Variants in PPP1R12B observed in about 807,000 individuals in gnomAD.
The protein encoded by PPP1R12B is protein phosphatase 1 regulatory subunit 12B, also known as myosin phosphatase target subunit 2.
Under a neutral mutation model 126.1 loss-of-function variants are expected in PPP1R12B, and 76 were observed. The observed-to-expected ratio is 0.60, with a 90% confidence interval of 0.50 to 0.73. The LOEUF is 0.73. Among genes scored for constraint, PPP1R12B ranks in the 30% least tolerant of loss-of-function variants. The probability of loss-of-function intolerance (pLI) is 0.00; values close to 1 mark genes in which losing one functional copy is unlikely to be tolerated. For synonymous variants in PPP1R12B, 356 were observed against 434.7 expected (o/e 0.82, Z 2.25); for missense variants, 1,052 against 1,205.1 (o/e 0.87, Z 1.88).
chr1:202,471,617 C>T lies in PPP1R12B; in HGVS notation c.1851-16916C>T, dbSNP rs566946545. Among the ~76,000 whole-genome samples, 12 of 129,150 alleles carry T rather than the reference C, an allele frequency of 9.3e-5. 1 individual carries two copies. The highest frequency in any genetic ancestry group is 4.5e-3 in the Middle Eastern group (1 of 224). 84.7% of individuals were successfully genotyped at this position (129,150 alleles called of 152,430 possible). A position where few individuals can be genotyped will look rare whatever the true frequency, so the allele number is the denominator to read the frequency against. On this transcript the variant is annotated intron_variant, in intron 13 of 23. Coordinates refer to ENST00000608999, the MANE Select transcript of PPP1R12B (RefSeq NM_002481.4). ...TTGCTGCTACTGCTTTTTTGGTAAT[C>T]TAAGGAAGATGAAATCATTTCTCAT...
intron 13 of PPP1R12B, among the ~76,000 whole-genome samples, chr1:202,478,879 ACT>A (rs1677009354): frequency 6.6e-6 from 1 of 152,100 alleles, no homozygotes; most frequent in Non-Finnish European, 1.5e-5. Flanking sequence ...ATTCAAAAAA[ACT>A]CTCTAGAGTA....
At chr1:202,572,712 T>G (rs1420719482) in intron 23 of PPP1R12B, among the ~76,000 whole-genome samples, 1 of 152,184 alleles carries the variant, frequency 6.6e-6, no homozygotes, top group Non-Finnish European at 1.5e-5. Flanking sequence ...CTTCTCCCCT[T>G]CCTTTCCTAG....
intron 13 of PPP1R12B, among the ~76,000 whole-genome samples, chr1:202,466,661 G>A (rs997393334): frequency 1.2e-4 from 18 of 151,708 alleles, no homozygotes; most frequent in Non-Finnish European, 4.4e-5. Flanking sequence ...CTTCATGTAG[G>A]CACTCCATAA....
rs377755644 is a variant in PPP1R12B, at chr1:202,449,058, G to A, written c.1737G>A (p.Pro579=). 1.4e-5 allele frequency: 23 copies of A among 1,613,650 alleles called. No individual in the cohort carries two copies. Among genetic ancestry groups the A allele is most frequent in the East Asian group, 4.5e-5 (2 of 44,866 alleles). ...CAGACAATGTCTCTTCTAGCACCCCGCTCTGTGTGATCACCAATCGCCCTC... is the reference window on the plus strand; with the variant it reads ...CAGACAATGTCTCTTCTAGCACCCCACTCTGTGTGATCACCAATCGCCCTC... ...KTADNVSSST[P]LCVITNRPLP... The change falls in exon 13 of 24, where the codon CCG becomes CCA. Residue 579 remains proline (P), a synonymous_variant. Coordinates refer to ENST00000608999, the MANE Select transcript of PPP1R12B (RefSeq NM_002481.4).
intron 13 of PPP1R12B, chr1:202,463,186 T>C (rs1674531298): frequency 4.9e-5 from 31 of 637,800 alleles, no homozygotes; most frequent in Non-Finnish European, 6.0e-5. Context: ...TTTGGTGGTA[T>C]GGTTGGGGAA....
At position 202,410,589 on chromosome 1, in the gene PPP1R12B, G is replaced by A. The variant is rs188536674; in HGVS notation, c.292-6198G>A. On this transcript the variant is annotated intron_variant, in intron 1 of 23. Coordinates refer to ENST00000608999, the MANE Select transcript of PPP1R12B (RefSeq NM_002481.4). Reference sequence around the variant, plus strand: ...CTCTGCACTGCCAGATTTAACCCTGGCACTGATTGATATCAGCCACTTTTG... The same window carrying A: ...CTCTGCACTGCCAGATTTAACCCTGACACTGATTGATATCAGCCACTTTTG... 2.0e-3 allele frequency among the ~76,000 whole-genome samples: 309 copies of A among 152,288 alleles called. 1 individual carries two copies. The highest frequency in any genetic ancestry group is 7.1e-3 in the African/African-American group (293 of 41,556).
At chr1:202,571,445 G>GTTTTTTTTT (rs5780114) in intron 23 of PPP1R12B, among the ~76,000 whole-genome samples, 1 of 150,232 alleles carries the variant, frequency 6.7e-6, no homozygotes, top group Non-Finnish European at 1.5e-5. Context: ...GCTGTTTTTT[G>GTTTTTTTTT]TTTTTTTTTT....
At chr1:202,409,612 G>T (rs951980128) in intron 1 of PPP1R12B, among the ~76,000 whole-genome samples, 2 of 151,948 alleles carry the variant, frequency 1.3e-5, no homozygotes, top group Non-Finnish European at 2.9e-5. Flanking sequence ...GACCCACAAC[G>T]CCCAGCCAAC....
chr1:202,452,536 C>T (rs1455876290), intron 13 of PPP1R12B, among the ~76,000 whole-genome samples: 4 of 150,240 alleles, frequency 2.7e-5, no homozygotes, highest in African/African-American at 7.4e-5. Flanking sequence ...AGAGGGAGAC[C>T]GTTTAAAGAG....
intron 12 of PPP1R12B, among the ~76,000 whole-genome samples, chr1:202,442,848 A>T (rs1426931496): frequency 6.6e-6 from 1 of 152,090 alleles, no homozygotes; most frequent in Non-Finnish European, 1.5e-5. Flanking sequence ...GGCTTTCAGT[A>T]ATCTCTGGGC....
chr1:202,409,391 G>C (rs1258349812), intron 1 of PPP1R12B, among the ~76,000 whole-genome samples: 1 of 147,870 alleles, frequency 6.8e-6, no homozygotes, highest in Non-Finnish European at 1.5e-5. Flanking sequence ...GCATGATCTC[G>C]GCTCACTGCA....
chr1:202,393,399 T>G (rs568748449), intron 1 of PPP1R12B, among the ~76,000 whole-genome samples: 1 of 152,328 alleles, frequency 6.6e-6, no homozygotes, highest in East Asian at 1.9e-4. Context: ...AGTGTTTTTT[T>G]TTTTCAGTTC....
intron 13 of PPP1R12B, among the ~76,000 whole-genome samples, chr1:202,460,621 G>A (rs1220869079): frequency 6.6e-6 from 1 of 151,716 alleles, no homozygotes; most frequent in East Asian, 1.9e-4. Flanking sequence ...CGGCCATGCT[G>A]CCATTACCAA....
At chr1:202,489,065 C>T (rs1678527664) in intron 14 of PPP1R12B, among the ~76,000 whole-genome samples, 1 of 152,256 alleles carries the variant, frequency 6.6e-6, no homozygotes, top group Middle Eastern at 3.4e-3. Context: ...GCAAAACACA[C>T]ACATGAAAAT....
chr1:202,417,054 T>C (rs1668169745), intron 2 of PPP1R12B, 137 bp downstream of exon 2: 2 of 1,168,146 alleles, frequency 1.7e-6, no homozygotes, highest in African/African-American at 3.2e-5. Context: ...GAAAGTTGAA[T>C]TATCTTTAAG....
intron 13 of PPP1R12B, among the ~76,000 whole-genome samples, chr1:202,473,475 G>T (rs879806910): frequency 1.1e-4 from 17 of 152,246 alleles, no homozygotes; most frequent in Non-Finnish European, 2.4e-4. Context: ...TTACAGCTCA[G>T]TTGGATGGAT....
intron 13 of PPP1R12B, among the ~76,000 whole-genome samples, chr1:202,460,346 C>T (rs1201179021): frequency 6.6e-6 from 1 of 152,164 alleles, no homozygotes; most frequent in Non-Finnish European, 1.5e-5. Context: ...TCTTCAGTCC[C>T]TTGGGGTCTT....
At chr1:202,405,475 AG>A (rs1666475926) in intron 1 of PPP1R12B, among the ~76,000 whole-genome samples, 1 of 152,200 alleles carries the variant, frequency 6.6e-6, no homozygotes, top group African/African-American at 2.4e-5. Flanking sequence ...TGTAGAAAGG[AG>A]GGTCCCTTGT....
intron 18 of PPP1R12B, among the ~76,000 whole-genome samples, chr1:202,539,133 G>A (rs935674872): frequency 6.6e-6 from 1 of 152,164 alleles, no homozygotes; most frequent in African/African-American, 2.4e-5. Context: ...TCTGGGCGTT[G>A]TTACTTAAGA....
Sources: gnomAD v4.1 joint callset for allele counts (sites outside exome capture counted in the v4.1 genomes callset) on GRCh38, gnomAD v4.1.1 for gene constraint, MANE v1.5 for transcripts, NCBI Gene and HGNC (gene_info 2026-07-23, HGNC 2026-07-21) for gene names.